MSRA: variants seen among roughly 807,000 people sequenced by gnomAD.
MSRA encodes the protein methionine sulfoxide reductase A.
A neutral mutation model predicts 31.3 loss-of-function variants in MSRA; 54 were observed. That is an observed-to-expected ratio of 1.73 (90% CI 1.39 to 2.17). The LOEUF (loss-of-function observed/expected upper bound fraction) is 2.17, where lower values mean the gene tolerates loss of function less well. Among genes scored for constraint, MSRA ranks in the 30% most tolerant of loss-of-function variants. The pLI, the probability that MSRA is intolerant of heterozygous loss-of-function variation, is 0.00. For synonymous variants in MSRA, 169 were observed against 116.5 expected, an observed-to-expected ratio of 1.45 and a Z score of -2.90; for missense variants, 507 against 300.9, an observed-to-expected ratio of 1.69 and a Z score of -5.07.
intron 5 of MSRA, among the ~76,000 whole-genome samples, chr8:10,396,460 A>G (rs949934040): frequency 6.6e-6 from 1 of 152,264 alleles, no homozygotes; most frequent in African/African-American, 2.4e-5. Context: ...TGTTATGGCA[A>G]AAATGAGATA....
In MSRA at chr8:10,159,815, A is replaced by G. The variant is rs548902126; in HGVS notation, c.143-48018A>G. On this transcript the variant is annotated intron_variant, in intron 1 of 5. Coordinates refer to ENST00000317173, the MANE Select transcript of MSRA (RefSeq NM_012331.5). ...TCATGAAGAGGTACAGTGATAGAAA[A>G]CAATCTCTAAATATCTAACCCATTT... Among the ~76,000 whole-genome samples the G allele has an allele frequency of 2.0e-5, 3 of 152,292 alleles. No individual in the cohort carries two copies. The East Asian group carries it at 5.8e-4, about 29-fold the overall frequency.
At chr8:10,391,558 C>T (rs1004615554) in intron 5 of MSRA, among the ~76,000 whole-genome samples, 2 of 152,124 alleles carry the variant, frequency 1.3e-5, no homozygotes, top group Non-Finnish European at 2.9e-5. Flanking sequence ...CTGATGAACC[C>T]AAGAGGACTT....
At chr8:10,291,318 A>G (rs1269673378) in intron 3 of MSRA, among the ~76,000 whole-genome samples, 1 of 152,162 alleles carries the variant, frequency 6.6e-6, no homozygotes, top group Admixed American at 6.5e-5. Context: ...AAAAATTCAC[A>G]ATTGCTCCAC....
At chr8:10,062,846 C>T (rs1028587688) in intron 1 of MSRA, among the ~76,000 whole-genome samples, 1 of 152,110 alleles carries the variant, frequency 6.6e-6, no homozygotes, top group African/African-American at 2.4e-5. Context: ...GTGTTAGCTG[C>T]GTGAGATTGC....
chr8:10,404,663 G>C (rs958391444), intron 5 of MSRA, among the ~76,000 whole-genome samples: 4 of 152,194 alleles, frequency 2.6e-5, no homozygotes, highest in African/African-American at 9.7e-5. Context: ...GCCCTCCCTC[G>C]CACACACTGA....
rs772496705 is a variant in MSRA at position 10,428,191 on chromosome 8, G to C, written c.587G>C (p.Arg196Pro). 23 of 1,613,984 alleles carry C rather than the reference G, an allele frequency of 1.4e-5. No individual in the cohort carries two copies. In the Admixed American group the frequency reaches 2.0e-4, roughly 14 times the overall value. The change falls in exon 6 of 6, where the codon CGG becomes CCG. Residue 196 changes from arginine to proline, a missense_variant. Physicochemically the swap from Arg to Pro is moderately radical, Grantham distance 103. Coordinates refer to ENST00000317173, the MANE Select transcript of MSRA (RefSeq NM_012331.5). ...HGFGPITTDI[R>P]EGQTFYYAED... The stretch of plus-strand genomic sequence containing the variant: ...TTCGGCCCCATCACTACCGACATCC[G>C]GGAGGGACAGACTTTCTACTATGCG...
chr8:10,198,934 T>A (rs1021631006), intron 1 of MSRA, among the ~76,000 whole-genome samples: 2 of 152,242 alleles, frequency 1.3e-5, no homozygotes, highest in African/African-American at 4.8e-5. Context: ...AGAAAGCTTG[T>A]CTCACTGAAG....
chr8:10,148,589 G>A (rs1347741681), intron 1 of MSRA, among the ~76,000 whole-genome samples: 2 of 151,806 alleles, frequency 1.3e-5, no homozygotes, highest in Non-Finnish European at 2.9e-5. Context: ...AGAGGTTGCA[G>A]TGAACTGAGA....
intron 5 of MSRA, among the ~76,000 whole-genome samples, chr8:10,379,042 C>A (rs536466855): frequency 6.6e-6 from 1 of 152,296 alleles, no homozygotes; most frequent in East Asian, 1.9e-4. Flanking sequence ...CTTTTTTTCA[C>A]TTAACAGTAT....
intron 5 of MSRA, among the ~76,000 whole-genome samples, chr8:10,391,135 A>T (rs1806719331): frequency 6.6e-6 from 1 of 152,220 alleles, no homozygotes; most frequent in African/African-American, 2.4e-5. Flanking sequence ...CTCTATTGGA[A>T]GAACACTTTT....
chr8:10,111,060 TC>T (rs1336458671), intron 1 of MSRA, among the ~76,000 whole-genome samples: 5 of 152,180 alleles, frequency 3.3e-5, no homozygotes, highest in African/African-American at 1.2e-4. Flanking sequence ...TGTCAGAACT[TC>T]CTGTGTGCTT....
chr8:10,280,268 CCT>C (rs1296985972), intron 3 of MSRA, among the ~76,000 whole-genome samples: 2 of 151,940 alleles, frequency 1.3e-5, no homozygotes, highest in Non-Finnish European at 2.9e-5. Flanking sequence ...CTTTTGCCCC[CCT>C]CTTTTAGTTC....
intron 1 of MSRA, among the ~76,000 whole-genome samples, chr8:10,105,886 C>T (rs1799847613): frequency 1.3e-5 from 2 of 152,186 alleles, no homozygotes; most frequent in Non-Finnish European, 2.9e-5. Context: ...AACAAAAGAA[C>T]ACACAGAAGA....
intron 1 of MSRA, among the ~76,000 whole-genome samples, chr8:10,190,271 C>T (rs1807397123): frequency 6.6e-6 from 1 of 152,142 alleles, no homozygotes; most frequent in African/African-American, 2.4e-5. Context: ...ACCTCAAACC[C>T]TCAGCCTGGT....
intron 5 of MSRA, among the ~76,000 whole-genome samples, chr8:10,393,116 C>T (rs900961001): frequency 2.0e-5 from 3 of 149,736 alleles, no homozygotes; most frequent in Admixed American, 6.6e-5. Flanking sequence ...AGTTATGCTG[C>T]GAGAAAAGAA....
intron 4 of MSRA, among the ~76,000 whole-genome samples, chr8:10,305,936 TA>T (rs543106779): frequency 9.9e-5 from 15 of 152,242 alleles, no homozygotes; most frequent in Non-Finnish European, 1.9e-4. Context: ...TCTTTTAATT[TA>T]CCAATTACCA....
At chr8:10,148,245 A>G (rs546138832) in intron 1 of MSRA, among the ~76,000 whole-genome samples, 1 of 152,318 alleles carries the variant, frequency 6.6e-6, no homozygotes, top group East Asian at 1.9e-4. Flanking sequence ...GTATGTTAAA[A>G]TGTATCCCTT....
chr8:10,182,693 C>T (rs1162210639), intron 1 of MSRA, among the ~76,000 whole-genome samples: 1 of 152,242 alleles, frequency 6.6e-6, no homozygotes, highest in African/African-American at 2.4e-5. Flanking sequence ...TTCCAAGAGC[C>T]ATTGGGCTCA....
intron 3 of MSRA, among the ~76,000 whole-genome samples, chr8:10,284,861 T>C (rs1174115041): frequency 1.3e-5 from 2 of 152,148 alleles, no homozygotes; most frequent in African/African-American, 2.4e-5. Flanking sequence ...AAACCACTTA[T>C]AGTTGTGCCT....
Sources: gnomAD v4.1 joint callset for allele counts (sites outside exome capture counted in the v4.1 genomes callset) on GRCh38, gnomAD v4.1.1 for gene constraint, MANE v1.5 for transcripts, NCBI Gene and HGNC (gene_info 2026-07-23, HGNC 2026-07-21) for gene names.